The following WASHC4 variants were observed in gnomAD, a reference collection of about 807,000 sequenced individuals.
WASHC4 encodes the protein WASH complex subunit 4, also known as WASH complex subunit 7.
WASHC4 carries 86 observed loss-of-function variants against 166.6 expected under a neutral mutation model. That is an observed-to-expected ratio of 0.52 (90% CI 0.43 to 0.62). The LOEUF (loss-of-function observed/expected upper bound fraction) is 0.62. WASHC4 is among the 20% of genes least tolerant of loss of function. WASHC4 has a pLI of 0.00. For synonymous variants in WASHC4, 446 were observed against 451.6 expected, an observed-to-expected ratio of 0.99 and a Z score of 0.16; for missense variants, 1,262 against 1,382.4, an observed-to-expected ratio of 0.91 and a Z score of 1.38.
intron 2 of WASHC4, among the ~76,000 whole-genome samples, chr12:105,111,898 A>G (rs1407879474): frequency 6.6e-6 from 1 of 152,214 alleles, no homozygotes; most frequent in Non-Finnish European, 1.5e-5. Flanking sequence ...CTTGAGATAT[A>G]ATTCATATAT....
chr12:105,117,462 A>C (rs1880294541), intron 6 of WASHC4, among the ~76,000 whole-genome samples: 1 of 151,792 alleles, frequency 6.6e-6, no homozygotes, highest in Non-Finnish European at 1.5e-5. Flanking sequence ...CTGCCTTTTT[A>C]CTTTGTTCTT....
At position 105,122,230 on chromosome 12, in the gene WASHC4, A is replaced by T. The variant is rs1015762826; in HGVS notation, c.778A>T (p.Ile260Leu). ...KLEGQLLDGMIFQACIEQQFD... is the reference protein window; with the variant it reads ...KLEGQLLDGMLFQACIEQQFD... The stretch of plus-strand genomic sequence containing the variant: ...AGAAGGGCAATTACTGGATGGAATG[A>T]TATTCCAGGTAAGTAGGTCTGTATC... Residue 260 changes from isoleucine (I) to leucine (L), a missense_variant, in exon 10 of 33, where the codon ATA (isoleucine) becomes TTA (leucine). Coordinates refer to ENST00000332180, the MANE Select transcript of WASHC4 (RefSeq NM_015275.3). 1 of 1,612,270 alleles carries T rather than the reference A, an allele frequency of 6.2e-7. No homozygotes were observed. Among genetic ancestry groups the T allele is most frequent in the Non-Finnish European group, 8.5e-7 (1 of 1,179,396 alleles).
In WASHC4 at chr12:105,143,124, T is replaced by A; in HGVS notation, c.1894-3T>A. 1 of 1,580,824 alleles carries A rather than the reference T, an allele frequency of 6.3e-7. No homozygotes were observed. Among genetic ancestry groups the A allele is most frequent in the Non-Finnish European group, 8.7e-7 (1 of 1,150,402 alleles). On this transcript the variant is annotated splice_polypyrimidine_tract_variant and splice_region_variant and intron_variant, in intron 19 of 32. Coordinates refer to ENST00000332180, the MANE Select transcript of WASHC4 (RefSeq NM_015275.3). ...TTCATGTACATTTTAATTTTCTTCT[T>A]AGTACATGTTCAGTGCTTTGCGCGA...
At position 105,140,306 on chromosome 12, in the gene WASHC4, ATG is replaced by A. The variant is rs1189760226; in HGVS notation, c.1467_1468del (p.Met489IlefsTer10). 1 of 1,611,738 alleles carries A rather than the reference ATG, an allele frequency of 6.2e-7. No homozygotes were observed. Among genetic ancestry groups the A allele is most frequent in the South Asian group, 1.1e-5 (1 of 91,036 alleles). Reference protein sequence around the residue: ...LVELLKAIEHMFYRRSMVVAD... With the variant: ...LVELLKAIEHXFYRRSMVVAD... ...TGATTCTTTTTAGGCAATAGAGCAT[ATG>A]TTCTACAGGAGAAGCATGGTTGTGG... On this transcript the variant is annotated frameshift_variant, in exon 16 of 33. Transcript: ENST00000332180. LOFTEE classifies it high-confidence loss of function.
At chr12:105,142,588 C>A in intron 19 of WASHC4, 30 bp downstream of exon 19, 1 of 1,221,934 alleles carries the variant, frequency 8.2e-7, no homozygotes, top group South Asian at 1.2e-5. Context: ...AAGAATAATT[C>A]TATCATTTTA....
chr12:105,130,865 T>C (rs972334798), intron 13 of WASHC4, among the ~76,000 whole-genome samples: 3 of 152,204 alleles, frequency 2.0e-5, no homozygotes, highest in African/African-American at 7.2e-5. Flanking sequence ...TGAATCTTTG[T>C]TTCAACCCCC....
chr12:105,133,697 T>C (rs1283493188), intron 13 of WASHC4, 73 bp from the exon 14 acceptor site: 6 of 1,215,152 alleles, frequency 4.9e-6, no homozygotes, highest in African/African-American at 3.0e-5. Flanking sequence ...AGGGAAATAA[T>C]GTACTGCAAT....
chr12:105,110,728 T>G (rs1035697992), intron 1 of WASHC4, among the ~76,000 whole-genome samples: 1 of 152,212 alleles, frequency 6.6e-6, no homozygotes, highest in Non-Finnish European at 1.5e-5. Context: ...ACAGACTGTT[T>G]TTTTCACCTT....
chr12:105,123,088 CA>C (rs1392254031), intron 10 of WASHC4, among the ~76,000 whole-genome samples: 2 of 152,156 alleles, frequency 1.3e-5, no homozygotes, highest in Non-Finnish European at 2.9e-5. Flanking sequence ...GCCAGGCACG[CA>C]GATCACGTGA....
intron 29 of WASHC4, among the ~76,000 whole-genome samples, chr12:105,160,947 A>G (rs542277073): frequency 6.6e-6 from 1 of 152,300 alleles, no homozygotes; most frequent in South Asian, 2.1e-4. Flanking sequence ...GTTGCTATCT[A>G]AAAATAGTTC....
rs1183395494 is a variant in WASHC4, at chr12:105,167,728, A to G, written c.*797A>G. 1 of 152,550 alleles carries G rather than the reference A, an allele frequency of 6.6e-6. No homozygotes were observed. The highest frequency in any genetic ancestry group is 1.5e-5 in the Non-Finnish European group (1 of 67,984). 9.4% of individuals were successfully genotyped at this position (152,550 alleles called of 1,614,324 possible). A position where few individuals can be genotyped will look rare whatever the true frequency, so the allele number is the denominator to read the frequency against. The stretch of plus-strand genomic sequence containing the variant: ...AAAAAATTGAATGAATTATTTCTAC[A>G]TCCAAACTCAGGTTTCTTCTACATT... On this transcript the variant is annotated 3_prime_UTR_variant, in exon 33 of 33. Coordinates refer to ENST00000332180, the MANE Select transcript of WASHC4 (RefSeq NM_015275.3).
chr12:105,137,892 T>A lies in WASHC4; in HGVS notation c.1333T>A (p.Leu445Met), dbSNP rs778695714. Residue 445 changes from leucine (L) to methionine (M), a missense_variant, in exon 15 of 33, where the codon TTG becomes ATG. Transcript: ENST00000332180. The stretch of plus-strand genomic sequence containing the variant: ...TCAATGTTTTCCTTTACAGGGCTTC[T>A]TGTATGCATATAGTATTAGTACCAT... ...NRCNVFIQGF[L>M]YAYSISTIIK... is the part of the protein sequence containing the mutation. 2.4e-5 allele frequency: 39 copies of A among 1,605,766 alleles called. No individual in the cohort carries two copies. The East Asian group carries it at 8.5e-4, about 35-fold the overall frequency.
Position 105,122,243 on chromosome 12 carries a change from G to A in WASHC4, c.786+5G>A. On this transcript the variant is annotated splice_donor_5th_base_variant and intron_variant, in intron 10 of 32. Coordinates refer to ENST00000332180, the MANE Select transcript of WASHC4 (RefSeq NM_015275.3). Reference sequence around the variant, plus strand: ...CTGGATGGAATGATATTCCAGGTAAGTAGGTCTGTATCAGACTGTAACAGT... The same window carrying A: ...CTGGATGGAATGATATTCCAGGTAAATAGGTCTGTATCAGACTGTAACAGT... 6.2e-7 allele frequency: 1 copy of A among 1,611,840 alleles called. No individual in the cohort carries two copies. The highest frequency in any genetic ancestry group is 1.3e-5 in the African/African-American group (1 of 74,934).
At chr12:105,130,072 C>T (rs1274372316) in intron 13 of WASHC4, among the ~76,000 whole-genome samples, 1 of 152,024 alleles carries the variant, frequency 6.6e-6, no homozygotes, top group Non-Finnish European at 1.5e-5. Flanking sequence ...ATGAGAAAAC[C>T]CTACAGAGAT....
intron 15 of WASHC4, among the ~76,000 whole-genome samples, chr12:105,139,150 T>C (rs928942750): frequency 6.6e-6 from 1 of 152,062 alleles, no homozygotes; most frequent in African/African-American, 2.4e-5. Context: ...ATTTTGTTTT[T>C]TACTCAGCAT....
chr12:105,144,371 C>T lies in WASHC4; in HGVS notation c.2095C>T (p.Pro699Ser). The change falls in exon 21 of 33, where the codon CCT becomes TCT. Residue 699 changes from proline to serine, a missense_variant. Transcript: ENST00000332180. ...HTHLKLDDRN[P>S]FKVGMKDLAL... ...TCATTTAAAGCTGGATGACCGAAAC[C>T]CTTTCAAAGTTGGCATGAAAGACCT... is the stretch of plus-strand genomic sequence containing the variant. The T allele has an allele frequency of 1.2e-6, 2 of 1,613,314 alleles. No individual in the cohort carries two copies. Among genetic ancestry groups the T allele is most frequent in the Non-Finnish European group, 1.7e-6 (2 of 1,179,394 alleles).
intron 15 of WASHC4, among the ~76,000 whole-genome samples, chr12:105,138,308 AATATTAT>A (rs1882497141): frequency 6.6e-6 from 1 of 151,988 alleles, no homozygotes. Flanking sequence ...AGTTAACTTT[AATATTAT>A]CAGTAAAGCT....
Position 105,122,244 on chromosome 12 carries a change from T to C in WASHC4, c.786+6T>C. ...TGGATGGAATGATATTCCAGGTAAG[T>C]AGGTCTGTATCAGACTGTAACAGTG... On this transcript the variant is annotated splice_donor_region_variant and intron_variant, in intron 10 of 32. Transcript: ENST00000332180. 1 of 1,611,778 alleles carries C rather than the reference T, an allele frequency of 6.2e-7. No individual in the cohort carries two copies.
Position 105,114,211 on chromosome 12 carries a change from T to G in WASHC4, c.202-5T>G. On this transcript the variant is annotated splice_region_variant and splice_polypyrimidine_tract_variant and intron_variant, in intron 2 of 32. Transcript: ENST00000332180. Reference sequence around the variant, plus strand: ...AAGAAATGTTCTTTTCCTTTGTTTCTGTAGCTTTTGCCTTATGAACAGTCC... The same window carrying G: ...AAGAAATGTTCTTTTCCTTTGTTTCGGTAGCTTTTGCCTTATGAACAGTCC... 6.2e-7 allele frequency: 1 copy of G among 1,608,364 alleles called. No homozygotes were observed. Among genetic ancestry groups the G allele is most frequent in the Non-Finnish European group, 8.5e-7 (1 of 1,176,300 alleles).
Sources: allele counts gnomAD v4.1 joint callset (sites outside exome capture counted in the v4.1 genomes callset), GRCh38; gene constraint gnomAD v4.1.1; transcripts MANE v1.5; gene names NCBI Gene and HGNC (gene_info 2026-07-23, HGNC 2026-07-21).